Variants in GAPVD1 observed in about 807,000 individuals in gnomAD.
GAPVD1 encodes GTPase activating protein and VPS9 domains 1.
Under a neutral mutation model 155.5 loss-of-function variants are expected in GAPVD1, and 35 were observed. The ratio of observed to expected loss-of-function variants is 0.23; its 90% CI spans 0.17 to 0.30. The LOEUF (loss-of-function observed/expected upper bound fraction) is 0.30, where lower values mean the gene tolerates loss of function less well. GAPVD1 is among the 10% of genes least tolerant of loss of function. The probability of loss-of-function intolerance (pLI) is 1.00; values close to 1 mark genes in which losing one functional copy is unlikely to be tolerated. For missense variants in GAPVD1, 1,429 were observed against 1,775.7 expected (o/e 0.80, Z 3.51); for synonymous variants, 636 against 619.7 (o/e 1.03, Z -0.39).
intron 2 of GAPVD1, among the ~76,000 whole-genome samples, chr9:125,295,028 A>ACTTAG (rs1267371274): frequency 6.6e-6 from 1 of 151,692 alleles, no homozygotes; most frequent in African/African-American, 2.4e-5. Flanking sequence ...TTGAATCTTG[A>ACTTAG]CTTAGCTACA....
At chr9:125,289,124 G>A (rs1838194750) in intron 2 of GAPVD1, among the ~76,000 whole-genome samples, 1 of 152,158 alleles carries the variant, frequency 6.6e-6, no homozygotes, top group South Asian at 2.1e-4. Context: ...TGAAATTATT[G>A]ATACTGCCTA....
intron 15 of GAPVD1, among the ~76,000 whole-genome samples, chr9:125,336,307 A>G (rs1385370693): frequency 6.9e-6 from 1 of 144,604 alleles, no homozygotes; most frequent in Admixed American, 7.9e-5. Flanking sequence ...AAAAAAAAAC[A>G]AAAAACAAAA....
chr9:125,268,620 C>T (rs1834382648), intron 1 of GAPVD1, among the ~76,000 whole-genome samples: 2 of 151,886 alleles, frequency 1.3e-5, no homozygotes, highest in Admixed American at 1.3e-4. Context: ...CTGCCTCAGC[C>T]TTCTGAGTAG....
Position 125,335,403 on chromosome 9 carries a change from C to T in GAPVD1, c.2429-1615C>T, listed in dbSNP as rs181382602. The T allele has an allele frequency of 1.4e-3, 589 of 426,968 alleles. 10 individuals carry two copies. In the East Asian group the frequency reaches 0.021, roughly 15 times the overall value. The allele number at this position is 426,968 out of a possible 1,614,324, so 26.4% of individuals were successfully genotyped here. ...TTTTTTTTTTAAAAATGGGGCTGGG[C>T]GCGGTGGCTCACGCCCATAATCCCA... On this transcript the variant is annotated intron_variant, in intron 15 of 27. Transcript: ENST00000297933.
chr9:125,314,774 A>C (rs1843149744), intron 9 of GAPVD1, among the ~76,000 whole-genome samples: 1 of 151,996 alleles, frequency 6.6e-6, no homozygotes, highest in South Asian at 2.1e-4. Context: ...TGACCTCCTG[A>C]AAAAGTAGCA....
chr9:125,313,348 G>A (rs1308001464), intron 9 of GAPVD1, among the ~76,000 whole-genome samples: 2 of 146,066 alleles, frequency 1.4e-5, no homozygotes, highest in Admixed American at 7.0e-5. Context: ...CTGTCACCTA[G>A]GCTGGAGTGC....
intron 12 of GAPVD1, among the ~76,000 whole-genome samples, chr9:125,328,646 C>T (rs2131701948): frequency 6.6e-6 from 1 of 150,770 alleles, no homozygotes; most frequent in East Asian, 2.0e-4. Flanking sequence ...ATCTTTTCCC[C>T]ACCTTTCCCG....
At chr9:125,339,723 G>A (rs1847559194) in intron 17 of GAPVD1, among the ~76,000 whole-genome samples, 2 of 152,196 alleles carry the variant, frequency 1.3e-5, no homozygotes, top group South Asian at 4.1e-4. Flanking sequence ...ACACAACAGA[G>A]TTTGTTTCGT....
intron 19 of GAPVD1, among the ~76,000 whole-genome samples, chr9:125,342,567 C>T (rs566179575): frequency 6.6e-6 from 1 of 152,320 alleles, no homozygotes; most frequent in Non-Finnish European, 1.5e-5. Flanking sequence ...TAGGCATACC[C>T]TACAACTCAA....
At chr9:125,277,636 A>G (rs1835997786) in intron 2 of GAPVD1, among the ~76,000 whole-genome samples, 1 of 152,056 alleles carries the variant, frequency 6.6e-6, no homozygotes. Flanking sequence ...ACATCTGTTG[A>G]ATGAATGAGT....
intron 2 of GAPVD1, among the ~76,000 whole-genome samples, chr9:125,289,135 C>T (rs1454630257): frequency 6.6e-6 from 1 of 152,156 alleles, no homozygotes; most frequent in Non-Finnish European, 1.5e-5. Context: ...ATACTGCCTA[C>T]TTTTACTCCC....
intron 9 of GAPVD1, among the ~76,000 whole-genome samples, chr9:125,314,449 A>G (rs958024327): frequency 6.6e-6 from 1 of 152,182 alleles, no homozygotes; most frequent in Admixed American, 6.5e-5. Context: ...CGAGGTCAGG[A>G]GTTCGAGACC....
intron 22 of GAPVD1, 23 bp from the exon 23 acceptor site, chr9:125,350,690 G>T: frequency 7.2e-7 from 1 of 1,386,788 alleles, no homozygotes; most frequent in South Asian, 1.2e-5. Context: ...AAGAATAACA[G>T]AATTCTTGTA....
intron 19 of GAPVD1, chr9:125,345,891 A>G (rs565762226): frequency 6.6e-6 from 1 of 152,206 alleles, no homozygotes; most frequent in South Asian, 2.1e-4. Context: ...GTGTATATAT[A>G]TATATAAAAT....
At chr9:125,262,515 TA>T (rs1467438987) in intron 1 of GAPVD1, among the ~76,000 whole-genome samples, 1 of 152,116 alleles carries the variant, frequency 6.6e-6, no homozygotes, top group Non-Finnish European at 1.5e-5. Flanking sequence ...CTTCACCTTT[TA>T]TTGACTGGCA....
chr9:125,279,612 A>C lies in GAPVD1; in HGVS notation c.-150+10628A>C, dbSNP rs943372593. Among the ~76,000 whole-genome samples, 8 of 151,744 alleles carry C rather than the reference A, an allele frequency of 5.3e-5. No individual in the cohort carries two copies. In the East Asian group the frequency reaches 9.7e-4, roughly 18 times the overall value. ...ATTAAAAATCAAAAATAAAAAAAAA[A>C]CACTGAGGAAAAGTATGTGCACAAT... On this transcript the variant is annotated intron_variant, in intron 2 of 27. Transcript: ENST00000297933.
At chr9:125,279,101 A>G (rs1836298738) in intron 2 of GAPVD1, among the ~76,000 whole-genome samples, 1 of 150,484 alleles carries the variant, frequency 6.6e-6, no homozygotes, top group South Asian at 2.1e-4. Context: ...AATCCCAGCT[A>G]CTCAAGAGGC....
chr9:125,353,547 GTTA>G (rs1241370595), intron 23 of GAPVD1, among the ~76,000 whole-genome samples: 3 of 152,210 alleles, frequency 2.0e-5, no homozygotes, highest in East Asian at 3.9e-4. Context: ...GTATTTGTCT[GTTA>G]TTATGCTGCT....
chr9:125,263,988 C>T (rs945396904), intron 1 of GAPVD1: 14 of 1,369,814 alleles, frequency 1.0e-5, no homozygotes, highest in African/African-American at 2.9e-5. Flanking sequence ...AGGTTGGGCA[C>T]GTTCTTGTCT....
Sources: allele counts gnomAD v4.1 joint callset (sites outside exome capture counted in the v4.1 genomes callset), GRCh38; gene constraint gnomAD v4.1.1; transcripts MANE v1.5; gene names NCBI Gene and HGNC (gene_info 2026-07-23, HGNC 2026-07-21).